The following SIPA1L3 variants were observed in gnomAD, a reference collection of about 807,000 sequenced individuals.
SIPA1L3 encodes signal induced proliferation associated 1 like 3.
Under a neutral mutation model 150.1 loss-of-function variants are expected in SIPA1L3, and 59 were observed. The observed-to-expected ratio is 0.39, with a 90% CI of 0.32 to 0.49. SIPA1L3 has a LOEUF of 0.49. Ranked by LOEUF, SIPA1L3 falls within the 20% of genes least tolerant of loss-of-function variation. SIPA1L3 has a pLI of 0.86. For missense variants in SIPA1L3, 2,211 were observed against 2,489.5 expected (o/e 0.89, Z 2.38); for synonymous variants, 1,070 against 1,077.6 (o/e 0.99, Z 0.14).
At chr19:38,131,322 C>T (rs998136241) in intron 10 of SIPA1L3, among the ~76,000 whole-genome samples, 3 of 152,154 alleles carry the variant, frequency 2.0e-5, no homozygotes, top group Non-Finnish European at 4.4e-5. Context: ...GCTTACAAGG[C>T]GGGCAGAGAA....
intron 10 of SIPA1L3, among the ~76,000 whole-genome samples, chr19:38,135,613 T>C (rs1360118203): frequency 2.0e-5 from 3 of 152,208 alleles, no homozygotes; most frequent in Non-Finnish European, 2.9e-5. Context: ...TTCTCCAGCT[T>C]TGGGGAGACA....
At chr19:38,095,116 CT>C (rs1246055262) in intron 4 of SIPA1L3, among the ~76,000 whole-genome samples, 1 of 152,168 alleles carries the variant, frequency 6.6e-6, no homozygotes, top group Non-Finnish European at 1.5e-5. Flanking sequence ...ATTTTTAAAA[CT>C]ATTAACTATG....
chr19:37,923,914 C>G (rs985092684), intron 1 of SIPA1L3, among the ~76,000 whole-genome samples: 5 of 152,002 alleles, frequency 3.3e-5, no homozygotes, highest in Non-Finnish European at 7.4e-5. Flanking sequence ...CACCTTCCAA[C>G]TGTAATCTAG....
intron 1 of SIPA1L3, among the ~76,000 whole-genome samples, chr19:38,022,968 C>T (rs865921301): frequency 6.6e-6 from 1 of 152,220 alleles, no homozygotes; most frequent in East Asian, 1.9e-4. Context: ...TTTCCACCCC[C>T]ACCCGCAGTG....
rs374202582 is a variant in SIPA1L3 at position 38,118,620 on chromosome 19, G to A, written c.2292-686G>A. On this transcript the variant is annotated intron_variant, in intron 8 of 21. Coordinates refer to ENST00000222345, the MANE Select transcript of SIPA1L3 (RefSeq NM_015073.3). ...GCCATCTTGGCTCACTGCAACCTCCGCCTCCCAGGTTCACGCCGTTCTCCT... is the reference window on the plus strand; with the variant it reads ...GCCATCTTGGCTCACTGCAACCTCCACCTCCCAGGTTCACGCCGTTCTCCT... Among the ~76,000 whole-genome samples, 37 of 151,512 alleles carry A rather than the reference G, an allele frequency of 2.4e-4. 2 individuals are homozygous for A. In the South Asian group the frequency reaches 7.4e-3, roughly 30 times the overall value.
chr19:38,102,192 A>G (rs955935955), intron 6 of SIPA1L3, among the ~76,000 whole-genome samples: 21 of 151,892 alleles, frequency 1.4e-4, no homozygotes, highest in African/African-American at 4.6e-4. Context: ...GATTACAGGC[A>G]TGAGCCATCA....
At position 38,082,548 on chromosome 19, in the gene SIPA1L3, C is replaced by T. The variant is rs776285570; in HGVS notation, c.983C>T (p.Pro328Leu). 24 of 1,601,568 alleles carry T rather than the reference C, an allele frequency of 1.5e-5. No homozygotes were observed. Among genetic ancestry groups the T allele is most frequent in the Middle Eastern group, 1.6e-4 (1 of 6,074 alleles). The change falls in exon 3 of 22, where the codon CCG (proline) becomes CTG (leucine). Residue 328 changes from proline (P) to leucine (L), a missense_variant. Pro to Leu is a moderately conservative substitution (Grantham distance 98, BLOSUM62 -3). Transcript: ENST00000222345. ...GAGGCCGACGAGGGCCGGAGCCCCCCGGAAGCCAGCAGGCCGTGGGTGTGT... is the reference window on the plus strand; with the variant it reads ...GAGGCCGACGAGGGCCGGAGCCCCCTGGAAGCCAGCAGGCCGTGGGTGTGT... Reference protein sequence around the residue: ...PGEADEGRSPPEASRPWVCQK... With the variant: ...PGEADEGRSPLEASRPWVCQK...
rs575213863 is a variant in SIPA1L3 at position 37,926,208 on chromosome 19, C to T, written c.-379+18850C>T. On this transcript the variant is annotated intron_variant, in intron 1 of 21. Coordinates refer to ENST00000222345, the MANE Select transcript of SIPA1L3 (RefSeq NM_015073.3). ...GCTGTGAGGGTTGGTAGTCCTCCCC[C>T]GATTCCTCCTGCATCTCACCATCCT... 4.3e-4 allele frequency among the ~76,000 whole-genome samples: 66 copies of T among 152,282 alleles called. No homozygotes were observed. The South Asian group carries it at 0.013, about 31-fold the overall frequency.
chr19:38,049,038 C>A (rs908919523), intron 2 of SIPA1L3, among the ~76,000 whole-genome samples: 1 of 151,228 alleles, frequency 6.6e-6, no homozygotes. Context: ...GCTGAGATTG[C>A]GCCACTGCAC....
intron 1 of SIPA1L3, among the ~76,000 whole-genome samples, chr19:37,983,798 CAGGAGGCTGAGGT>C (rs987076641): frequency 1.3e-5 from 2 of 150,662 alleles, no homozygotes; most frequent in Non-Finnish European, 2.9e-5. Flanking sequence ...CTCAGCTACT[CAGGAGGCTGAGGT>C]GGGAGGATAA....
At position 38,081,065 on chromosome 19, in the gene SIPA1L3, G is replaced by A. The variant is rs189261310; in HGVS notation, c.-310-191G>A. On this transcript the variant is annotated intron_variant, in intron 2 of 21. Coordinates refer to ENST00000222345, the MANE Select transcript of SIPA1L3 (RefSeq NM_015073.3). ...CTGGGTGAATAGATGAAATGGGAAT[G>A]GAAAATAGTTAGTGGTTGTTGGAGC... 3.2e-3 allele frequency among the ~76,000 whole-genome samples: 488 copies of A among 152,092 alleles called. 2 individuals carry two copies. Among genetic ancestry groups the A allele is most frequent in the African/African-American group, 0.011 (471 of 41,426 alleles).
At chr19:38,103,944 G>A (rs1970565627) in intron 6 of SIPA1L3, among the ~76,000 whole-genome samples, 1 of 149,590 alleles carries the variant, frequency 6.7e-6, no homozygotes, top group Admixed American at 6.7e-5. Context: ...ATATATATAT[G>A]TATATGATAT....
At chr19:38,102,409 C>T (rs1419957643) in intron 6 of SIPA1L3, among the ~76,000 whole-genome samples, 2 of 151,644 alleles carry the variant, frequency 1.3e-5, no homozygotes, top group Non-Finnish European at 2.9e-5. Flanking sequence ...AACACAAGGC[C>T]TCCAGGGATC....
At chr19:38,075,300 C>T (rs929133310) in intron 2 of SIPA1L3, among the ~76,000 whole-genome samples, 6 of 151,640 alleles carry the variant, frequency 4.0e-5, no homozygotes, top group Non-Finnish European at 8.8e-5. Flanking sequence ...CTACAAAAGA[C>T]ACAAAATTAG....
chr19:38,022,290 T>C (rs1281211695), intron 1 of SIPA1L3, among the ~76,000 whole-genome samples: 1 of 152,226 alleles, frequency 6.6e-6, no homozygotes, highest in African/African-American at 2.4e-5. Flanking sequence ...GAGCCGGGAA[T>C]GGTGGCATGC....
chr19:38,165,810 G>A (rs866812748), intron 15 of SIPA1L3, among the ~76,000 whole-genome samples: 15 of 152,266 alleles, frequency 9.9e-5, no homozygotes, highest in Admixed American at 6.5e-5. Flanking sequence ...TCACCAGGCC[G>A]GAGTGCAGTG....
At chr19:38,003,524 G>T (rs1967863147) in intron 1 of SIPA1L3, among the ~76,000 whole-genome samples, 1 of 152,200 alleles carries the variant, frequency 6.6e-6, no homozygotes, top group Admixed American at 6.5e-5. Context: ...GAAGCAGCTT[G>T]CACCTCTCAC....
intron 1 of SIPA1L3, among the ~76,000 whole-genome samples, chr19:37,996,229 G>A (rs1967636693): frequency 6.6e-6 from 1 of 152,148 alleles, no homozygotes; most frequent in Non-Finnish European, 1.5e-5. Context: ...CACCCAGCCA[G>A]TATTTATTTA....
intron 6 of SIPA1L3, among the ~76,000 whole-genome samples, chr19:38,104,863 G>C (rs181475000): frequency 6.6e-6 from 1 of 151,634 alleles, no homozygotes; most frequent in Non-Finnish European, 1.5e-5. Flanking sequence ...GAGCCACCGC[G>C]CCTGGCCAGG....
Sources: allele counts gnomAD v4.1 joint callset (sites outside exome capture counted in the v4.1 genomes callset), GRCh38; gene constraint gnomAD v4.1.1; transcripts MANE v1.5; gene names NCBI Gene and HGNC (gene_info 2026-07-23, HGNC 2026-07-21).